The following TTLL2 variants were observed in gnomAD, a reference collection of about 807,000 sequenced individuals.
TTLL2 encodes the protein probable tubulin polyglutamylase TTLL2.
A neutral mutation model predicts 7.5 loss-of-function variants in TTLL2; 10 were observed. The ratio of observed to expected loss-of-function variants is 1.33; its 90% CI spans 0.82 to 2.25. The LOEUF (loss-of-function observed/expected upper bound fraction) is 2.25. Among genes scored for constraint, TTLL2 ranks in the 30% most tolerant of loss-of-function variants. The pLI, the probability that TTLL2 is intolerant of heterozygous loss-of-function variation, is 0.00. For missense variants in TTLL2, 733 were observed against 735.7 expected (o/e 1.00, Z 0.04); for synonymous variants, 284 against 280.3 (o/e 1.01, Z -0.13).
chr6:167,326,034 T>G (rs1778844629), intron 1 of TTLL2, among the ~76,000 whole-genome samples: 1 of 152,078 alleles, frequency 6.6e-6, no homozygotes, highest in African/African-American at 2.4e-5. Flanking sequence ...AGGGAAGAGA[T>G]CACACCTGCC....
rs1562374079 is a variant in TTLL2 at position 167,341,057 on chromosome 6, A to C, written c.1157A>C (p.Glu386Ala). Residue 386 changes from glutamate to alanine, a missense_variant, in exon 3 of 3, where the codon GAG (glutamate) becomes GCG (alanine). Coordinates refer to ENST00000239587, the MANE Select transcript of TTLL2 (RefSeq NM_031949.5). ...IDDNLKPWLL[E>A]VNYSPALTLD... ...GACAACTTGAAACCATGGCTTTTAGAGGTCAACTACAGCCCAGCCTTGACC... is the reference window on the plus strand; with the variant it reads ...GACAACTTGAAACCATGGCTTTTAGCGGTCAACTACAGCCCAGCCTTGACC... 4 of 1,613,834 alleles carry C rather than the reference A, an allele frequency of 2.5e-6. No individual in the cohort carries two copies. Among genetic ancestry groups the C allele is most frequent in the African/African-American group, 1.3e-5 (1 of 74,838 alleles).
At chr6:167,330,991 C>T (rs760508329) in intron 1 of TTLL2, among the ~76,000 whole-genome samples, 5 of 152,182 alleles carry the variant, frequency 3.3e-5, no homozygotes, top group African/African-American at 9.7e-5. Context: ...AGTCGCTCCC[C>T]GGGTGTGCTG....
At chr6:167,327,852 T>C (rs1778866270) in intron 1 of TTLL2, among the ~76,000 whole-genome samples, 1 of 152,222 alleles carries the variant, frequency 6.6e-6, no homozygotes, top group African/African-American at 2.4e-5. Flanking sequence ...CTCTTGCACA[T>C]GAAAGAGGCA....
In TTLL2 at chr6:167,342,363, T is replaced by G. The variant is rs1036518135; in HGVS notation, c.*684T>G. Among the ~76,000 whole-genome samples the G allele has an allele frequency of 2.0e-5, 3 of 152,210 alleles. No individual in the cohort carries two copies. The highest frequency in any genetic ancestry group is 4.4e-5 in the Non-Finnish European group (3 of 68,050). ...TCATTCCTGCCACATAAAAAGCATCTGCAGTCCTAAGACATAAAAATTCCA... is the reference window on the plus strand; with the variant it reads ...TCATTCCTGCCACATAAAAAGCATCGGCAGTCCTAAGACATAAAAATTCCA... On this transcript the variant is annotated 3_prime_UTR_variant, in exon 3 of 3. Coordinates refer to ENST00000239587, the MANE Select transcript of TTLL2 (RefSeq NM_031949.5).
intron 1 of TTLL2, chr6:167,328,338 C>A: frequency 9.4e-6 from 3 of 317,748 alleles, no homozygotes; most frequent in Non-Finnish European, 1.9e-5. Context: ...TTATTTTTGG[C>A]TGACTTCCTT....
chr6:167,333,728 G>T (rs200310710), intron 1 of TTLL2, among the ~76,000 whole-genome samples: 1 of 28,182 alleles, frequency 3.5e-5, no homozygotes, highest in Non-Finnish European at 6.2e-5. Flanking sequence ...GTTTATTTGC[G>T]TAGAGGTGTT....
intron 1 of TTLL2, 37 bp downstream of exon 1, chr6:167,325,257 G>T: frequency 1.3e-6 from 2 of 1,504,124 alleles, no homozygotes; most frequent in Non-Finnish European, 1.8e-6. Context: ...TGGGAGGGTG[G>T]CCCCGATCAT....
intron 1 of TTLL2, chr6:167,328,302 C>T (rs1283181824): frequency 2.4e-5 from 8 of 332,380 alleles, no homozygotes; most frequent in South Asian, 5.0e-5. Flanking sequence ...ATCTAGAGAT[C>T]GGGATTCCCG....
At chr6:167,331,402 T>G (rs1025814528) in intron 1 of TTLL2, among the ~76,000 whole-genome samples, 1 of 152,188 alleles carries the variant, frequency 6.6e-6, no homozygotes, top group Non-Finnish European at 1.5e-5. Flanking sequence ...TGTCTCCCTA[T>G]GTCCCCTCCT....
intron 1 of TTLL2, among the ~76,000 whole-genome samples, chr6:167,329,434 G>A (rs1778892202): frequency 6.6e-6 from 1 of 152,150 alleles, no homozygotes; most frequent in African/African-American, 2.4e-5. Context: ...GGCCCGGAGA[G>A]CGGTTTTAGT....
chr6:167,337,482 G>T (rs1405922891), intron 1 of TTLL2, among the ~76,000 whole-genome samples: 1 of 152,164 alleles, frequency 6.6e-6, no homozygotes, highest in African/African-American at 2.4e-5. Flanking sequence ...CTATTCCAGG[G>T]GAGGCAGGGC....
In TTLL2 at chr6:167,340,240, C is replaced by G. The variant is rs772690533; in HGVS notation, c.340C>G (p.Gln114Glu). The G allele has an allele frequency of 2.5e-6, 4 of 1,614,098 alleles. No homozygotes were observed. The South Asian group carries it at 4.4e-5, about 18-fold the overall frequency. Residue 114 changes from glutamine to glutamate, a missense_variant, in exon 3 of 3, where the codon CAG becomes GAG. Physicochemically the swap from Gln to Glu is conservative, Grantham distance 29. Transcript: ENST00000239587. The stretch of plus-strand genomic sequence containing the variant: ...GAGGGGGTGGAATAAGTTTGATAAG[C>G]AGGAGCAGAACGCGGAGGACTGGAA... ...LERGWNKFDK[Q>E]EQNAEDWNLY...
intron 1 of TTLL2, among the ~76,000 whole-genome samples, chr6:167,327,809 T>C (rs1778865761): frequency 6.6e-6 from 1 of 152,202 alleles, no homozygotes; most frequent in African/African-American, 2.4e-5. Context: ...AGTATAGGTC[T>C]TTTTATATAA....
At position 167,340,951 on chromosome 6, in the gene TTLL2, C is replaced by G. The variant is rs957266373; in HGVS notation, c.1051C>G (p.Leu351Val). The G allele has an allele frequency of 1.9e-6, 3 of 1,614,080 alleles. No individual in the cohort carries two copies. Among genetic ancestry groups the G allele is most frequent in the Non-Finnish European group, 2.5e-6 (3 of 1,180,032 alleles). Residue 351 changes from leucine (L) to valine (V), a missense_variant, in exon 3 of 3, where the codon CTC becomes GTC. By Grantham distance (32) the Leu-to-Val change is conservative. Transcript: ENST00000239587. The part of the protein sequence containing the change: ...LWKKIHRMVI[L>V]TILAIAPSVP... ...GAAGAAAATCCACCGCATGGTTATT[C>G]TCACCATTCTCGCCATTGCACCATC...
rs1778975944 is a variant in TTLL2 at position 167,335,769 on chromosome 6, A to C, written c.48-2878A>C. Among the ~76,000 whole-genome samples the C allele has an allele frequency of 2.1e-5, 3 of 145,022 alleles. No homozygotes were observed. The South Asian group carries it at 6.7e-4, about 32-fold the overall frequency. The stretch of plus-strand genomic sequence containing the variant: ...TCTCACTCATAGGTGGGAATTGAAC[A>C]TTGAGATCACATGGACACAGGAAGG... On this transcript the variant is annotated intron_variant, in intron 1 of 2. Coordinates refer to ENST00000239587, the MANE Select transcript of TTLL2 (RefSeq NM_031949.5).
chr6:167,336,529 C>T (rs1240474950), intron 1 of TTLL2, among the ~76,000 whole-genome samples: 1 of 152,094 alleles, frequency 6.6e-6, no homozygotes, highest in African/African-American at 2.4e-5. Context: ...TGGCATTGCT[C>T]ATCCCCATCC....
intron 1 of TTLL2, among the ~76,000 whole-genome samples, chr6:167,335,836 G>A (rs1172298724): frequency 8.6e-6 from 1 of 115,808 alleles, no homozygotes; most frequent in Non-Finnish European, 1.7e-5. Flanking sequence ...TGGGGGGAGG[G>A]GGGAGGGATA....
In TTLL2 at chr6:167,338,744, G is replaced by T; in HGVS notation, c.145G>T (p.Glu49Ter). The T allele has an allele frequency of 6.2e-7, 1 of 1,613,994 alleles. No homozygotes were observed. Among genetic ancestry groups the T allele is most frequent in the Non-Finnish European group, 8.5e-7 (1 of 1,179,944 alleles). ...PPAGLGARLQ[E>*]AGVSIPPRRG... is the part of the protein sequence containing the mutation. ...TGCAGGCCTGGGAGCAAGGCTACAG[G>T]AAGCAGGTGTTTCCATCCCTCCCAG... Residue 49 changes from glutamate (E) to a stop codon, truncating the protein, a stop_gained, in exon 2 of 3, where the codon GAA becomes TAA. Coordinates refer to ENST00000239587, the MANE Select transcript of TTLL2 (RefSeq NM_031949.5). LOFTEE classifies it high-confidence loss of function.
rs145916962 is a variant in TTLL2 at position 167,341,335 on chromosome 6, C to A, written c.1435C>A (p.Arg479Ser). The A allele has an allele frequency of 1.2e-6, 2 of 1,613,600 alleles. No individual in the cohort carries two copies. The highest frequency in any genetic ancestry group is 1.7e-5 in the Admixed American group (1 of 59,950). ...DSVVEKAVSV[R>S]PEAAPASQLE... Reference sequence around the variant, plus strand: ...TGTGGTGGAGAAAGCTGTGAGTGTGCGTCCTGAAGCTGCACCTGCCTCCCA... The same window carrying A: ...TGTGGTGGAGAAAGCTGTGAGTGTGAGTCCTGAAGCTGCACCTGCCTCCCA... The change falls in exon 3 of 3, where the codon CGT becomes AGT. Residue 479 changes from arginine (R) to serine (S), a missense_variant. Arg to Ser is a moderately radical substitution (Grantham distance 110). Transcript: ENST00000239587.
Sources: gnomAD v4.1 joint callset for allele counts (sites outside exome capture counted in the v4.1 genomes callset) on GRCh38, gnomAD v4.1.1 for gene constraint, MANE v1.5 for transcripts, NCBI Gene and HGNC (gene_info 2026-07-23, HGNC 2026-07-21) for gene names.